The following DPT variants were observed in gnomAD, a reference collection of about 807,000 sequenced individuals.
DPT encodes the protein dermatopontin, also known as tyrosine-rich acidic matrix protein.
Under a neutral mutation model 31.2 loss-of-function variants are expected in DPT, and 21 were observed. The ratio of observed to expected loss-of-function variants is 0.67; its 90% CI spans 0.48 to 0.97. The LOEUF (loss-of-function observed/expected upper bound fraction) is 0.97. DPT is among the 50% of genes least tolerant of loss of function. The probability of loss-of-function intolerance (pLI) is 0.00; values close to 1 mark genes in which losing one functional copy is unlikely to be tolerated. For missense variants in DPT, 262 were observed against 258.8 expected (o/e 1.01, Z -0.08); for synonymous variants, 91 against 86.9 (o/e 1.05, Z -0.26).
chr1:168,725,935 C>T (rs1205086177), intron 1 of DPT, among the ~76,000 whole-genome samples: 2 of 152,202 alleles, frequency 1.3e-5, no homozygotes, highest in South Asian at 2.1e-4. Flanking sequence ...CTGTAGCCAA[C>T]GTCAGATGTA....
intron 2 of DPT, among the ~76,000 whole-genome samples, chr1:168,703,809 C>G (rs1429705253): frequency 6.6e-6 from 1 of 152,120 alleles, no homozygotes; most frequent in Non-Finnish European, 1.5e-5. Context: ...GAAAGTGAAC[C>G]TCCCAAACAC....
At chr1:168,715,287 AGT>A (rs1649956256) in intron 1 of DPT, among the ~76,000 whole-genome samples, 1 of 152,172 alleles carries the variant, frequency 6.6e-6, no homozygotes, top group Non-Finnish European at 1.5e-5. Context: ...TTCCATCTCT[AGT>A]ATGATTTTCT....
intron 1 of DPT, among the ~76,000 whole-genome samples, chr1:168,724,306 G>T (rs1572633520): frequency 1.3e-5 from 2 of 152,186 alleles, no homozygotes; most frequent in African/African-American, 4.8e-5. Context: ...ATAGACACTG[G>T]AATATTGGGA....
intron 2 of DPT, among the ~76,000 whole-genome samples, chr1:168,703,342 G>A (rs1649644462): frequency 6.6e-6 from 1 of 152,176 alleles, no homozygotes; most frequent in Non-Finnish European, 1.5e-5. Context: ...AAATATCACG[G>A]AATAAAGTGG....
At chr1:168,715,978 A>G (rs1649978094) in intron 1 of DPT, among the ~76,000 whole-genome samples, 1 of 152,222 alleles carries the variant, frequency 6.6e-6, no homozygotes. Context: ...TTCAGAAAAT[A>G]TAATGCATAA....
At chr1:168,725,019 A>G (rs1363011971) in intron 1 of DPT, among the ~76,000 whole-genome samples, 1 of 152,226 alleles carries the variant, frequency 6.6e-6, no homozygotes, top group Non-Finnish European at 1.5e-5. Context: ...TGGCTTGCCC[A>G]ACATCAGCCA....
intron 1 of DPT, among the ~76,000 whole-genome samples, chr1:168,724,431 T>A (rs904986842): frequency 6.6e-6 from 1 of 152,176 alleles, no homozygotes. Context: ...TCACTGCATA[T>A]GTATTGAGGG....
intron 1 of DPT, among the ~76,000 whole-genome samples, chr1:168,720,951 C>T (rs1330146076): frequency 5.9e-5 from 9 of 152,220 alleles, no homozygotes. Flanking sequence ...AGAACTTACT[C>T]TATACCTGAT....
intron 1 of DPT, among the ~76,000 whole-genome samples, chr1:168,717,358 G>C (rs1650006479): frequency 6.6e-6 from 1 of 152,160 alleles, no homozygotes; most frequent in Non-Finnish European, 1.5e-5. Flanking sequence ...GTCTTCTTTT[G>C]AGAAGTGTCT....
chr1:168,697,727 G>A (rs1034202124), intron 3 of DPT, among the ~76,000 whole-genome samples: 3 of 152,172 alleles, frequency 2.0e-5, no homozygotes, highest in Admixed American at 6.5e-5. Context: ...GATGCTTTAC[G>A]TGTTTTCTCT....
chr1:168,704,073 A>G (rs1649662745), intron 2 of DPT, among the ~76,000 whole-genome samples: 1 of 152,254 alleles, frequency 6.6e-6, no homozygotes, highest in Non-Finnish European at 1.5e-5. Context: ...AGAGGCTACA[A>G]GGAAGCAGAA....
chr1:168,697,272 G>GA (rs1192059082), intron 3 of DPT, among the ~76,000 whole-genome samples: 1 of 151,904 alleles, frequency 6.6e-6, no homozygotes, highest in Non-Finnish European at 1.5e-5. Context: ...TCAAAAAAAA[G>GA]AAAAAAATCT....
intron 1 of DPT, among the ~76,000 whole-genome samples, chr1:168,718,566 G>A (rs1014749389): frequency 1.8e-4 from 27 of 152,276 alleles, no homozygotes; most frequent in African/African-American, 4.3e-4. Flanking sequence ...TTCCAGAGCC[G>A]GATCTTTGTG....
chr1:168,717,223 C>T (rs1316332227), intron 1 of DPT, among the ~76,000 whole-genome samples: 2 of 152,206 alleles, frequency 1.3e-5, no homozygotes, highest in South Asian at 2.1e-4. Flanking sequence ...TCTGTTGGTT[C>T]TTGGCTTTTT....
chr1:168,704,222 A>T (rs1247401165), intron 2 of DPT, among the ~76,000 whole-genome samples: 1 of 152,192 alleles, frequency 6.6e-6, no homozygotes, highest in Non-Finnish European at 1.5e-5. Context: ...AACACACTTC[A>T]TACTGAGCAT....
intron 1 of DPT, among the ~76,000 whole-genome samples, chr1:168,719,547 T>C (rs893664974): frequency 1.3e-5 from 2 of 152,126 alleles, no homozygotes; most frequent in Non-Finnish European, 2.9e-5. Flanking sequence ...TTGTTGCTCC[T>C]GAATGGCCTG....
intron 1 of DPT, among the ~76,000 whole-genome samples, chr1:168,725,007 G>C (rs77368834): frequency 6.6e-6 from 1 of 152,188 alleles, no homozygotes; most frequent in Non-Finnish European, 1.5e-5. Context: ...TCCGTGGAAA[G>C]CTGGCTTGCC....
chr1:168,701,234 C>G (rs1572624222), intron 2 of DPT, 110 bp from the exon 3 acceptor site: 1 of 844,690 alleles, frequency 1.2e-6, no homozygotes, highest in East Asian at 2.6e-5. Context: ...CCTGGCAAAT[C>G]CAGACTGAAG....
chr1:168,710,211 G>T (rs1184155389), intron 2 of DPT, among the ~76,000 whole-genome samples: 1 of 152,190 alleles, frequency 6.6e-6, no homozygotes, highest in Non-Finnish European at 1.5e-5. Flanking sequence ...CTTGAATCTT[G>T]TTCTGCTGCT....
Sources: allele counts gnomAD v4.1 joint callset (sites outside exome capture counted in the v4.1 genomes callset), GRCh38; gene constraint gnomAD v4.1.1; transcripts MANE v1.5; gene names NCBI Gene and HGNC (gene_info 2026-07-23, HGNC 2026-07-21).